ROBO1: variants seen among roughly 807,000 people sequenced by gnomAD.
ROBO1 encodes the protein roundabout guidance receptor 1.
In ROBO1, 149 loss-of-function variants were observed where a neutral mutation model predicts 195.9. The observed-to-expected ratio is 0.76, with a 90% CI of 0.67 to 0.87. The LOEUF (loss-of-function observed/expected upper bound fraction) is 0.87, where lower values mean the gene tolerates loss of function less well. Ranked by LOEUF, ROBO1 falls within the 40% of genes least tolerant of loss-of-function variation. The pLI is 0.00. For synonymous variants in ROBO1, 816 were observed against 733.2 expected, an observed-to-expected ratio of 1.11 and a Z score of -1.82; for missense variants, 1,933 against 2,068.3, an observed-to-expected ratio of 0.93 and a Z score of 1.27.
intron 1 of ROBO1, among the ~76,000 whole-genome samples, chr3:79,738,534 A>AG (rs60828112): frequency 0.037 from 5,589 of 152,238 alleles, 354 homozygotes; most frequent in African/African-American, 0.13. Flanking sequence ...TGACACTCAT[A>AG]GAAAAAAGTT....
chr3:79,484,823 G>A (rs907440303), intron 2 of ROBO1, among the ~76,000 whole-genome samples: 8 of 132,880 alleles, frequency 6.0e-5, no homozygotes, highest in Admixed American at 4.4e-4. Flanking sequence ...GCATGATCTC[G>A]GCTCACTGCA....
intron 2 of ROBO1, among the ~76,000 whole-genome samples, chr3:79,549,143 GTAATTTTTAGCAGAT>G (rs1942382407): frequency 6.6e-6 from 1 of 152,134 alleles, no homozygotes. Flanking sequence ...TTCAAGCAGA[GTAATTTTTAGCAGAT>G]TAATTTTACT....
chr3:78,859,362 T>C (rs2034646878), intron 4 of ROBO1, among the ~76,000 whole-genome samples: 1 of 152,210 alleles, frequency 6.6e-6, no homozygotes, highest in Non-Finnish European at 1.5e-5. Flanking sequence ...TGCATTAACC[T>C]TACTGGCTGA....
intron 1 of ROBO1, among the ~76,000 whole-genome samples, chr3:79,690,864 G>T (rs563338434): frequency 6.6e-6 from 1 of 151,840 alleles, no homozygotes; most frequent in South Asian, 2.1e-4. Flanking sequence ...ACATATCCTT[G>T]TGTGAGTTCT....
intron 10 of ROBO1, among the ~76,000 whole-genome samples, chr3:78,670,894 A>G (rs1334921908): frequency 1.3e-5 from 2 of 152,168 alleles, no homozygotes; most frequent in Non-Finnish European, 2.9e-5. Context: ...TATACATGGG[A>G]GAAAATTACC....
chr3:79,152,427 T>C (rs1305373943), intron 2 of ROBO1, among the ~76,000 whole-genome samples: 3 of 151,788 alleles, frequency 2.0e-5, no homozygotes, highest in Non-Finnish European at 2.9e-5. Context: ...TACAAGAATA[T>C]GTGCGTTGAC....
chr3:78,646,902 G>A (rs3773216), intron 20 of ROBO1, among the ~76,000 whole-genome samples: 130,470 of 151,940 alleles, frequency 0.86, 57,022 homozygotes, highest in Non-Finnish European at 0.93. Context: ...GTTAGGCTAA[G>A]TGGTTAAGAA....
chr3:79,318,211 A>G (rs1308264178), intron 2 of ROBO1, among the ~76,000 whole-genome samples: 1 of 152,200 alleles, frequency 6.6e-6, no homozygotes, highest in Non-Finnish European at 1.5e-5. Context: ...TCTCATCCAA[A>G]TACTCTCACA....
chr3:79,322,661 T>A (rs1405292951), intron 2 of ROBO1, among the ~76,000 whole-genome samples: 1 of 152,234 alleles, frequency 6.6e-6, no homozygotes, highest in Non-Finnish European at 1.5e-5. Flanking sequence ...CTAATAATAG[T>A]AACCATTTGG....
At chr3:79,294,544 G>A (rs1287148564) in intron 2 of ROBO1, among the ~76,000 whole-genome samples, 1 of 152,112 alleles carries the variant, frequency 6.6e-6, no homozygotes, top group Admixed American at 6.5e-5. Context: ...CATGGGCAAA[G>A]ACTTCATGAC....
intron 1 of ROBO1, among the ~76,000 whole-genome samples, chr3:79,740,707 A>G (rs1703609648): frequency 6.6e-6 from 1 of 152,150 alleles, no homozygotes; most frequent in Non-Finnish European, 1.5e-5. Flanking sequence ...TGCCGTTGAC[A>G]TGTGGGGATT....
chr3:78,767,914 A>C (rs1333313136), intron 4 of ROBO1, among the ~76,000 whole-genome samples: 1 of 150,976 alleles, frequency 6.6e-6, no homozygotes, highest in Non-Finnish European at 1.5e-5. Flanking sequence ...TTTTTGTTTC[A>C]ATTTTATTTA....
chr3:79,134,171 G>A lies in ROBO1; in HGVS notation c.89-8632C>T, dbSNP rs953310402. On this transcript the variant is annotated intron_variant, in intron 2 of 30. Transcript: ENST00000464233. ...AGGGCTAATATCCGGAATCTACAAT[G>A]AACTCAAACAAATTTACAAGAAAAA... Among the ~76,000 whole-genome samples the A allele has an allele frequency of 8.4e-5, 12 of 142,898 alleles. No homozygotes were observed. The East Asian group carries it at 2.5e-3, about 30-fold the overall frequency. 93.7% of individuals were successfully genotyped at this position (142,898 alleles called of 152,430 possible).
intron 3 of ROBO1, among the ~76,000 whole-genome samples, chr3:79,071,718 GCACATGCACACACACACACACGCACACA>G (rs2079092762): frequency 5.5e-5 from 3 of 54,204 alleles, no homozygotes; most frequent in Non-Finnish European, 1.4e-4. Flanking sequence ...ACACACACAT[GCACATGCACACACACACACACGCACACA>G]CACACACACA....
At chr3:79,049,514 C>A (rs534116848) in intron 3 of ROBO1, among the ~76,000 whole-genome samples, 3 of 152,226 alleles carry the variant, frequency 2.0e-5, no homozygotes, top group East Asian at 1.9e-4. Context: ...CCTAGCAAGG[C>A]AGGCCAACAT....
chr3:79,509,526 T>G (rs1940589529), intron 2 of ROBO1, among the ~76,000 whole-genome samples: 2 of 152,330 alleles, frequency 1.3e-5, no homozygotes, highest in South Asian at 4.1e-4. Context: ...GTCTTGAATT[T>G]ATCATTTTAA....
intron 4 of ROBO1, among the ~76,000 whole-genome samples, chr3:78,769,617 GGTTT>G (rs2083317338): frequency 5.5e-5 from 4 of 72,942 alleles, no homozygotes; most frequent in Non-Finnish European, 1.1e-4. Context: ...AGTGTACTTT[GGTTT>G]TTTTTTTTTT....
intron 5 of ROBO1, among the ~76,000 whole-genome samples, chr3:78,720,923 A>T (rs563210390): frequency 6.8e-6 from 1 of 147,882 alleles, no homozygotes; most frequent in African/African-American, 2.6e-5. Context: ...GAAGCGGAAC[A>T]TCACACACTG....
chr3:79,210,344 G>A (rs768045405), intron 2 of ROBO1, among the ~76,000 whole-genome samples: 2 of 152,110 alleles, frequency 1.3e-5, no homozygotes, highest in Admixed American at 6.6e-5. Context: ...GAACAGAATC[G>A]AGAACCCAGA....
Sources: allele counts gnomAD v4.1 joint callset (sites outside exome capture counted in the v4.1 genomes callset), GRCh38; gene constraint gnomAD v4.1.1; transcripts MANE v1.5; gene names NCBI Gene and HGNC (gene_info 2026-07-23, HGNC 2026-07-21).